Variants in SESN1 observed in about 807,000 individuals in gnomAD.
The protein encoded by SESN1 is sestrin 1, also known as sestrin-1.
A neutral mutation model predicts 59.3 loss-of-function variants in SESN1; 30 were observed. The ratio of observed to expected loss-of-function variants is 0.51; its 90% confidence interval spans 0.38 to 0.69. The LOEUF (loss-of-function observed/expected upper bound fraction) is 0.69, where lower values mean the gene tolerates loss of function less well. SESN1 is among the 30% of genes least tolerant of loss of function. SESN1 has a pLI of 0.00. For missense variants in SESN1, 566 were observed against 673.0 expected, an observed-to-expected ratio of 0.84 and a Z score of 1.76; for synonymous variants, 197 against 219.9, an observed-to-expected ratio of 0.90 and a Z score of 0.92.
In SESN1 at chr6:109,001,498, T is replaced by A. The variant is rs200667909; in HGVS notation, c.346-10A>T. The A allele has an allele frequency of 0.018, 29,008 of 1,610,716 alleles. 355 individuals are homozygous for A. Among genetic ancestry groups the A allele is most frequent in the Non-Finnish European group, 0.02 (23,943 of 1,177,866 alleles). On this transcript the variant is annotated splice_polypyrimidine_tract_variant and intron_variant, in intron 2 of 9. Transcript: ENST00000436639. ...TCCCCACTTGGAGGATCTGTATAAA[T>A]GAGAAAAACCATGGTTACTGAAATG...
At chr6:109,002,449 T>C (rs1779647555) in intron 1 of SESN1, 106 bp from the exon 2 acceptor site, 1 of 828,268 alleles carries the variant, frequency 1.2e-6, no homozygotes, top group Non-Finnish European at 2.0e-6. Flanking sequence ...GACAGGCTTG[T>C]TTTGATGGTT....
chr6:109,087,862 A>G (rs926134066), intron 1 of SESN1, among the ~76,000 whole-genome samples: 1 of 152,054 alleles, frequency 6.6e-6, no homozygotes, highest in Non-Finnish European at 1.5e-5. Context: ...ATCTAGTTAG[A>G]TACACATGCA....
At chr6:109,040,665 T>C (rs1302153851) in intron 1 of SESN1, among the ~76,000 whole-genome samples, 1 of 151,974 alleles carries the variant, frequency 6.6e-6, no homozygotes, top group Non-Finnish European at 1.5e-5. Flanking sequence ...ATCTTTTTTT[T>C]TTTTTTTGAG....
At chr6:109,088,186 T>G (rs969663688) in intron 1 of SESN1, 1 of 151,934 alleles carries the variant, frequency 6.6e-6, no homozygotes, top group Non-Finnish European at 1.5e-5. Context: ...CAGATAGTCA[T>G]GTCTGCACAT....
Position 108,985,903 on chromosome 6 carries a change from ATTC to A in SESN1, c.*1638_*1640del, listed in dbSNP as rs1192607247. 6.6e-6 allele frequency among the ~76,000 whole-genome samples: 1 copy of A among 152,220 alleles called. No homozygotes were observed. Among genetic ancestry groups the A allele is most frequent in the African/African-American group, 2.4e-5 (1 of 41,462 alleles). The stretch of plus-strand genomic sequence containing the variant: ...AACATATTGAAGATAATAATACTCT[ATTC>A]CTAGCTAAGGTTATAGTCTTGTCTT... On this transcript the variant is annotated 3_prime_UTR_variant, in exon 10 of 10. Transcript: ENST00000436639.
At chr6:108,989,373 TAC>T (rs1468875401) in intron 8 of SESN1, among the ~76,000 whole-genome samples, 1 of 151,974 alleles carries the variant, frequency 6.6e-6, no homozygotes, top group Non-Finnish European at 1.5e-5. Context: ...TTGTTATTGG[TAC>T]TAGTACTTTC....
intron 5 of SESN1, among the ~76,000 whole-genome samples, chr6:108,996,549 T>C (rs1157332557): frequency 1.3e-5 from 2 of 152,136 alleles, no homozygotes; most frequent in Non-Finnish European, 2.9e-5. Context: ...TTAGGAAAGG[T>C]AATTCTTGAT....
chr6:109,073,710 A>G (rs1031327725), intron 1 of SESN1, among the ~76,000 whole-genome samples: 1 of 152,254 alleles, frequency 6.6e-6, no homozygotes, highest in Admixed American at 6.5e-5. Flanking sequence ...AGTTATTTCT[A>G]AATAAAAATC....
At chr6:109,085,196 C>G (rs753674197) in intron 1 of SESN1, among the ~76,000 whole-genome samples, 24 of 151,778 alleles carry the variant, frequency 1.6e-4, no homozygotes, top group Non-Finnish European at 3.1e-4. Flanking sequence ...GATTTCATAC[C>G]TAAATTTCTA....
intron 1 of SESN1, among the ~76,000 whole-genome samples, chr6:109,032,894 G>T (rs1457685132): frequency 6.6e-6 from 1 of 152,104 alleles, no homozygotes; most frequent in African/African-American, 2.4e-5. Context: ...TAAAAGGGAA[G>T]AATTCAACAA....
chr6:109,047,373 G>C (rs1425786994), intron 1 of SESN1, among the ~76,000 whole-genome samples: 301 of 127,676 alleles, frequency 2.4e-3, no homozygotes, highest in African/African-American at 6.6e-3. Context: ...CCGGCCAGCC[G>C]CCCCGTCCGG....
intron 4 of SESN1, chr6:109,000,266 CAA>C: frequency 2.8e-6 from 1 of 360,610 alleles, no homozygotes; most frequent in East Asian, 4.2e-5. Flanking sequence ...CGATACAATG[CAA>C]AGACTGAACC....
At chr6:108,996,266 C>A (rs1779501426) in intron 5 of SESN1, among the ~76,000 whole-genome samples, 1 of 152,170 alleles carries the variant, frequency 6.6e-6, no homozygotes, top group Admixed American at 6.5e-5. Context: ...AACAGTTATA[C>A]TGAAATGCCC....
At chr6:109,009,879 C>A (rs543901207) in intron 1 of SESN1, among the ~76,000 whole-genome samples, 1 of 152,134 alleles carries the variant, frequency 6.6e-6, no homozygotes, top group African/African-American at 2.4e-5. Flanking sequence ...CCTGCTCGGC[C>A]ATTTACCTAG....
At chr6:109,073,791 C>T (rs1029701365) in intron 1 of SESN1, among the ~76,000 whole-genome samples, 2 of 152,176 alleles carry the variant, frequency 1.3e-5, no homozygotes, top group Non-Finnish European at 2.9e-5. Flanking sequence ...TGAAGTTCTA[C>T]TTACCTTAAA....
At chr6:109,054,857 C>A (rs1434601656) in intron 1 of SESN1, among the ~76,000 whole-genome samples, 1 of 152,102 alleles carries the variant, frequency 6.6e-6, no homozygotes, top group African/African-American at 2.4e-5. Context: ...AATTTTTATG[C>A]AATCAAAACT....
chr6:109,064,748 G>T (rs1780794587), intron 1 of SESN1, among the ~76,000 whole-genome samples: 1 of 150,674 alleles, frequency 6.6e-6, no homozygotes, highest in Admixed American at 6.6e-5. Context: ...GGGATAGCAA[G>T]CATAGAGTAT....
chr6:109,071,341 T>C (rs1006946653), intron 1 of SESN1, among the ~76,000 whole-genome samples: 1 of 150,960 alleles, frequency 6.6e-6, no homozygotes, highest in Non-Finnish European at 1.5e-5. Flanking sequence ...TATACAAAGA[T>C]AGTTTTTGTT....
chr6:108,989,043 C>T (rs1212203501), intron 8 of SESN1, among the ~76,000 whole-genome samples: 1 of 152,186 alleles, frequency 6.6e-6, no homozygotes, highest in African/African-American at 2.4e-5. Context: ...TGCCCTGTCG[C>T]CCAGGCTGGA....
Sources: gnomAD v4.1 joint callset for allele counts (sites outside exome capture counted in the v4.1 genomes callset) on GRCh38, gnomAD v4.1.1 for gene constraint, MANE v1.5 for transcripts, NCBI Gene and HGNC (gene_info 2026-07-23, HGNC 2026-07-21) for gene names.